ELMOD3: variants seen among roughly 807,000 people sequenced by gnomAD.
ELMOD3 encodes ELMO domain containing 3, also known as ELMO domain-containing protein 3.
ELMOD3 carries 36 observed loss-of-function variants against 47.4 expected under a neutral mutation model. The ratio of observed to expected loss-of-function variants is 0.76; its 90% CI spans 0.58 to 1.00. The LOEUF (loss-of-function observed/expected upper bound fraction) is 1.00. Among genes scored for constraint, ELMOD3 ranks in the 50% least tolerant of loss-of-function variants. ELMOD3 has a pLI of 0.00. For synonymous variants in ELMOD3, 149 were observed against 183.5 expected (o/e 0.81, Z 1.52); for missense variants, 404 against 463.8 (o/e 0.87, Z 1.18).
chr2:85,387,287 C>A, intron 11 of ELMOD3: 1 of 1,048,936 alleles, frequency 9.5e-7, no homozygotes, highest in Non-Finnish European at 1.2e-6. Context: ...GTGCCTAGTA[C>A]TTTGCACATG....
intron 10 of ELMOD3, 78 bp downstream of exon 10, chr2:85,371,640 T>A: frequency 1.3e-6 from 2 of 1,584,168 alleles, no homozygotes; most frequent in Non-Finnish European, 1.7e-6. Flanking sequence ...GTCGTTCTCT[T>A]CCAGTGCTAT....
intron 11 of ELMOD3, 117 bp downstream of exon 11, chr2:85,377,591 T>G (rs1440184213): frequency 6.5e-6 from 7 of 1,084,330 alleles, no homozygotes; most frequent in African/African-American, 1.6e-5. Context: ...CCCGTCAGTC[T>G]GACCTGCATT....
intron 6 of ELMOD3, among the ~76,000 whole-genome samples, chr2:85,366,580 C>T (rs1410132977): frequency 1.3e-5 from 2 of 152,148 alleles, no homozygotes; most frequent in African/African-American, 4.8e-5. Context: ...GTAGAATTAC[C>T]CCATCCTCAC....
intron 11 of ELMOD3, among the ~76,000 whole-genome samples, 178 bp downstream of exon 11, chr2:85,377,652 G>A (rs144062940): frequency 1.3e-5 from 2 of 152,182 alleles, no homozygotes; most frequent in African/African-American, 2.4e-5. Flanking sequence ...CAAGTTCCTC[G>A]ACTCCTCAGA....
chr2:85,363,471 AAAGTTATTCTAC>A (rs927697724), intron 6 of ELMOD3, among the ~76,000 whole-genome samples: 1 of 152,222 alleles, frequency 6.6e-6, no homozygotes, highest in Non-Finnish European at 1.5e-5. Flanking sequence ...AAGCCTTTGA[AAAGTTATTCTAC>A]TTCATCTGCT....
chr2:85,372,703 A>G (rs1186228338), intron 10 of ELMOD3: 1 of 151,976 alleles, frequency 6.6e-6, no homozygotes, highest in Non-Finnish European at 1.5e-5. Context: ...CAGCCTGGCC[A>G]ACATGGCAAA....
At position 85,371,107 on chromosome 2, in the gene ELMOD3, C is replaced by G. The variant is rs562825417; in HGVS notation, c.382C>G (p.Arg128Gly). ...CCAGAAAAGAATCCAGCCAACTATT[C>G]GAAGGACTGGGCTCGCCGCCCTCCG... is the stretch of plus-strand genomic sequence containing the variant. ...PFKKRIQPTI[R>G]RTGLAALRHY... The change falls in exon 9 of 14, where the codon CGA (arginine) becomes GGA (glycine). Residue 128 changes from arginine to glycine, a missense_variant. Arg to Gly is a moderately radical substitution (Grantham distance 125, BLOSUM62 -2). Coordinates refer to ENST00000409013, the MANE Select transcript of ELMOD3 (RefSeq NM_001135022.2). The G allele has an allele frequency of 6.2e-7, 1 of 1,614,170 alleles. No individual in the cohort carries two copies. Among genetic ancestry groups the G allele is most frequent in the South Asian group, 1.1e-5 (1 of 91,072 alleles).
chr2:85,390,248 C>T lies in ELMOD3; in HGVS notation c.926C>T (p.Ser309Leu), dbSNP rs574560988. 66 of 1,614,196 alleles carry T rather than the reference C, an allele frequency of 4.1e-5. No individual in the cohort carries two copies. Among genetic ancestry groups the T allele is most frequent in the Admixed American group, 1.2e-4 (7 of 60,018 alleles). The change falls in exon 13 of 14, where the codon TCG (serine) becomes TTG (leucine). Residue 309 changes from serine to leucine, a missense_variant. Ser to Leu is a moderately radical substitution (Grantham distance 145). Transcript: ENST00000409013. ...WRTQRKTISD[S>L]GFVLKELEVL... The stretch of plus-strand genomic sequence containing the variant: ...ACACAGCGGAAGACCATCTCAGACT[C>T]GGGCTTTGTCCTCAAAGGTGTGCTC...
Position 85,391,135 on chromosome 2 carries a change from G to A in ELMOD3, c.*173G>A, listed in dbSNP as rs1201129892. 3 of 639,358 alleles carry A rather than the reference G, an allele frequency of 4.7e-6. No homozygotes were observed. Among genetic ancestry groups the A allele is most frequent in the Non-Finnish European group, 8.2e-6 (3 of 367,372 alleles). 39.6% of individuals were successfully genotyped at this position (639,358 alleles called of 1,614,324 possible). A position where few individuals can be genotyped will look rare whatever the true frequency, so the allele number is the denominator to read the frequency against. On this transcript the variant is annotated 3_prime_UTR_variant, in exon 14 of 14. Coordinates refer to ENST00000409013, the MANE Select transcript of ELMOD3 (RefSeq NM_001135022.2). Reference sequence around the variant, plus strand: ...AAGTACCCTCACCGGCATGGGACATGAGGGGCAGCTAGACTTCACCCCCTT... The same window carrying A: ...AAGTACCCTCACCGGCATGGGACATAAGGGGCAGCTAGACTTCACCCCCTT...
intron 10 of ELMOD3, chr2:85,372,496 C>T (rs1367178575): frequency 6.6e-6 from 1 of 152,106 alleles, no homozygotes; most frequent in Non-Finnish European, 1.5e-5. Flanking sequence ...TTTTTCCTCT[C>T]TAAAAAATAT....
intron 6 of ELMOD3, among the ~76,000 whole-genome samples, chr2:85,364,042 T>C (rs1184963645): frequency 6.6e-6 from 1 of 152,102 alleles, no homozygotes; most frequent in Admixed American, 6.5e-5. Context: ...GGCACAAGAA[T>C]TGCATGAACC....
rs911918836 is a variant in ELMOD3 at position 85,374,838 on chromosome 2, G to A, written c.608-2506G>A. On this transcript the variant is annotated intron_variant, in intron 10 of 13. Transcript: ENST00000409013. ...AAAGAAAGATCTTTGCTGGCCGGGC[G>A]CGGTGGCTCATCCTGTAATCCCAGC... Among the ~76,000 whole-genome samples, 5 of 151,874 alleles carry A rather than the reference G, an allele frequency of 3.3e-5. No homozygotes were observed. The East Asian group carries it at 7.8e-4, about 24-fold the overall frequency.
intron 4 of ELMOD3, chr2:85,360,801 A>T (rs753144104): frequency 4.2e-4 from 115 of 276,816 alleles, no homozygotes; most frequent in Middle Eastern, 1.4e-3. Flanking sequence ...ATCTTTAATG[A>T]TGTTGATCAG....
chr2:85,366,124 A>ATTTTTTTTTTTTTTTTTTTTT (rs566714087), intron 6 of ELMOD3, among the ~76,000 whole-genome samples: 1 of 135,610 alleles, frequency 7.4e-6, no homozygotes, highest in African/African-American at 2.7e-5. Flanking sequence ...TACCCAGCTA[A>ATTTTTTTTTTTTTTTTTTTTT]TTTTTTTTTT....
intron 6 of ELMOD3, 61 bp downstream of exon 6, chr2:85,363,227 A>T: frequency 1.1e-6 from 1 of 883,252 alleles, no homozygotes; most frequent in South Asian, 1.4e-5. Flanking sequence ...CTTCCCATGC[A>T]TCTGCTGTTC....
At chr2:85,384,882 A>C (rs1431019825) in intron 11 of ELMOD3, among the ~76,000 whole-genome samples, 2 of 152,194 alleles carry the variant, frequency 1.3e-5, no homozygotes, top group African/African-American at 4.8e-5. Context: ...CCTTGGTGCT[A>C]TTCTTCTTGG....
intron 11 of ELMOD3, among the ~76,000 whole-genome samples, chr2:85,383,811 C>G (rs750746967): frequency 6.6e-5 from 10 of 152,122 alleles, no homozygotes; most frequent in Non-Finnish European, 1.5e-4. Flanking sequence ...AAATGTGAAC[C>G]CTGAAAATCT....
chr2:85,389,157 C>T (rs1007641324), intron 11 of ELMOD3, among the ~76,000 whole-genome samples: 11 of 152,228 alleles, frequency 7.2e-5, no homozygotes, highest in African/African-American at 2.7e-4. Flanking sequence ...CAGACTCAGG[C>T]TGCCTCCTCT....
chr2:85,390,896 GGATCTCACCTTCACAGGTGAGAGT>G lies in ELMOD3; in HGVS notation c.1083_1106del (p.Thr363_Leu370del). 6.4e-7 allele frequency: 1 copy of G among 1,551,716 alleles called. No homozygotes were observed. The highest frequency in any genetic ancestry group is 8.7e-7 in the Non-Finnish European group (1 of 1,147,000). Reference sequence around the variant, plus strand: ...ATGGGCCAGAAGCCCCTCCCTTCAAGGATCTCACCTTCACAGGTGAGAGTGACCTGCAGTCTCACTCATCCGAAG... The same window carrying G: ...ATGGGCCAGAAGCCCCTCCCTTCAAGGACCTGCAGTCTCACTCATCCGAAG... On this transcript the variant is annotated inframe_deletion, in exon 14 of 14. Transcript: ENST00000409013.
Sources: gnomAD v4.1 joint callset for allele counts (sites outside exome capture counted in the v4.1 genomes callset) on GRCh38, gnomAD v4.1.1 for gene constraint, MANE v1.5 for transcripts, NCBI Gene and HGNC (gene_info 2026-07-23, HGNC 2026-07-21) for gene names.